The following FBXO16 variants were observed in gnomAD, a reference collection of about 807,000 sequenced individuals.
The protein encoded by FBXO16 is F-box only protein 16.
A neutral mutation model predicts 41.0 loss-of-function variants in FBXO16; 31 were observed. That is an observed-to-expected ratio of 0.76 (90% CI 0.57 to 1.02). The LOEUF (loss-of-function observed/expected upper bound fraction) is 1.02. Among genes scored for constraint, FBXO16 ranks in the 50% least tolerant of loss-of-function variants. FBXO16 has a pLI of 0.00. For synonymous variants in FBXO16, 133 were observed against 117.8 expected (o/e 1.13, Z -0.84); for missense variants, 361 against 346.2 (o/e 1.04, Z -0.34).
chr8:28,431,035 T>A (rs1423786393), intron 7 of FBXO16, among the ~76,000 whole-genome samples: 1 of 152,204 alleles, frequency 6.6e-6, no homozygotes, highest in Non-Finnish European at 1.5e-5. Flanking sequence ...TAGCTCTCTA[T>A]GACACAAGAA....
At chr8:28,444,364 G>A (rs1802827661) in intron 7 of FBXO16, among the ~76,000 whole-genome samples, 2 of 149,542 alleles carry the variant, frequency 1.3e-5, no homozygotes, top group African/African-American at 2.5e-5. Flanking sequence ...GTGCAGTGGC[G>A]CGATCTCGGC....
chr8:28,455,338 G>A (rs1803022888), intron 5 of FBXO16, among the ~76,000 whole-genome samples: 2 of 151,874 alleles, frequency 1.3e-5, no homozygotes. Flanking sequence ...CTGAGCTCAA[G>A]TGATCCTCCC....
intron 1 of FBXO16, among the ~76,000 whole-genome samples, chr8:28,486,679 A>G (rs533596204): frequency 6.6e-6 from 1 of 151,916 alleles, no homozygotes; most frequent in South Asian, 2.1e-4. Flanking sequence ...AAACCAAAAA[A>G]TTAGCTGGGC....
chr8:28,485,698 A>C (rs1396055920), intron 1 of FBXO16, among the ~76,000 whole-genome samples: 2 of 152,220 alleles, frequency 1.3e-5, no homozygotes, highest in African/African-American at 4.8e-5. Flanking sequence ...GGTTCTTTTC[A>C]GCCTCAACAG....
chr8:28,434,932 G>T (rs1052389810), intron 7 of FBXO16, among the ~76,000 whole-genome samples: 2 of 152,244 alleles, frequency 1.3e-5, no homozygotes, highest in Non-Finnish European at 2.9e-5. Flanking sequence ...AGCCCCAGAG[G>T]GGGTGTCAGT....
intron 4 of FBXO16, among the ~76,000 whole-genome samples, chr8:28,458,544 CTTTTTT>C (rs34617439): frequency 1.1e-4 from 10 of 87,566 alleles, no homozygotes; most frequent in South Asian, 5.0e-4. Context: ...TCTTCTTCTT[CTTTTTT>C]TTTTTTTTTT....
rs547370121 is a variant in FBXO16 at position 28,464,314 on chromosome 8, AT to A, written c.136-497del. Among the ~76,000 whole-genome samples the A allele has an allele frequency of 1.3e-4, 20 of 152,352 alleles. No homozygotes were observed. In the East Asian group the frequency reaches 2.7e-3, roughly 21 times the overall value. On this transcript the variant is annotated intron_variant, in intron 3 of 8. Transcript: ENST00000380254. Reference sequence around the variant, plus strand: ...TCTCACTAGTATGTAAATGACTGATATGATTGGAGAGGATGTGTTGATAAAG... The same window carrying A: ...TCTCACTAGTATGTAAATGACTGATAGATTGGAGAGGATGTGTTGATAAAG...
rs1175464367 is a variant in FBXO16 at position 28,429,400 on chromosome 8, A to G, written c.847T>C (p.Ser283Pro). 1.9e-6 allele frequency: 3 copies of G among 1,614,048 alleles called. No homozygotes were observed. The South Asian group carries it at 3.3e-5, about 18-fold the overall frequency. Residue 283 changes from serine (S) to proline (P), a missense_variant, in exon 8 of 9, where the codon TCG becomes CCG. Ser to Pro is a moderately conservative substitution (Grantham distance 74, BLOSUM62 -1). Transcript: ENST00000380254. ...CACAGTGGGAAGGGATTTCTCCTCG[A>G]CATCTGGCCGCGAGCAGGAAAGGGA... is the stretch of plus-strand genomic sequence containing the variant. The part of the protein sequence containing the change: ...TRLRKAQSMM[S>P]RRNPFPLCP
At chr8:28,439,541 G>A (rs995982912) in intron 7 of FBXO16, among the ~76,000 whole-genome samples, 1 of 152,052 alleles carries the variant, frequency 6.6e-6, no homozygotes, top group Non-Finnish European at 1.5e-5. Flanking sequence ...AGTTTGGGAC[G>A]AGCCCAGGCA....
chr8:28,442,733 T>C (rs1302293343), intron 7 of FBXO16, among the ~76,000 whole-genome samples: 1 of 152,194 alleles, frequency 6.6e-6, no homozygotes, highest in Non-Finnish European at 1.5e-5. Flanking sequence ...TAAGTGGTTC[T>C]GACTAAGGCA....
At chr8:28,471,560 T>C (rs1367589477) in intron 3 of FBXO16, among the ~76,000 whole-genome samples, 1 of 152,046 alleles carries the variant, frequency 6.6e-6, no homozygotes. Flanking sequence ...AAAGATAAAT[T>C]ATAAATATCT....
intron 7 of FBXO16, among the ~76,000 whole-genome samples, chr8:28,434,732 T>C (rs1470373451): frequency 6.6e-6 from 1 of 152,240 alleles, no homozygotes; most frequent in African/African-American, 2.4e-5. Flanking sequence ...AGGGGTGCCC[T>C]GTCTACTGGG....
At chr8:28,461,085 T>TTA (rs1244643051) in intron 4 of FBXO16, among the ~76,000 whole-genome samples, 1 of 74,566 alleles carries the variant, frequency 1.3e-5, no homozygotes, top group Admixed American at 1.8e-4. Context: ...TACCTCTGCT[T>TTA]TTTTTTTTTT....
Position 28,483,420 on chromosome 8 carries a change from GT to G in FBXO16, c.26del (p.Asn9ThrfsTer11), listed in dbSNP as rs770129495. ...TTGTCTGCATTTTGGGACCATCTGT[GT>G]TTTTTGGAGGTGCAAATGCCATCAT... Reference protein sequence around the residue: MMAFAPPKNTDGPKMQTKM... With the variant: MMAFAPPKXTDGPKMQTKM... On this transcript the variant is annotated frameshift_variant, in exon 2 of 9. Transcript: ENST00000380254. LOFTEE classifies it high-confidence loss of function. 1.5e-5 allele frequency: 25 copies of G among 1,613,910 alleles called. No individual in the cohort carries two copies. Among genetic ancestry groups the G allele is most frequent in the Non-Finnish European group, 2.1e-5 (25 of 1,179,972 alleles).
chr8:28,433,456 C>CCCATAGGTACCT (rs1563356304), intron 7 of FBXO16, among the ~76,000 whole-genome samples: 1 of 152,180 alleles, frequency 6.6e-6, no homozygotes, highest in Non-Finnish European at 1.5e-5. Flanking sequence ...TACTTGTGGT[C>CCCATAGGTACCT]CCATAGGTAC....
chr8:28,482,736 A>G (rs1803535083), intron 2 of FBXO16, among the ~76,000 whole-genome samples: 1 of 138,162 alleles, frequency 7.2e-6, no homozygotes, highest in South Asian at 2.4e-4. Context: ...ACGCCCAGCT[A>G]ATTTTTTTTT....
At chr8:28,460,095 A>T (rs1803102818) in intron 4 of FBXO16, among the ~76,000 whole-genome samples, 1 of 151,284 alleles carries the variant, frequency 6.6e-6, no homozygotes, top group Non-Finnish European at 1.5e-5. Flanking sequence ...TCAAAGAAAC[A>T]AAGGAAGTCC....
chr8:28,439,708 T>C (rs1206539341), intron 7 of FBXO16, among the ~76,000 whole-genome samples: 1 of 151,168 alleles, frequency 6.6e-6, no homozygotes, highest in Non-Finnish European at 1.5e-5. Context: ...ATCACGCCAC[T>C]GCACTCCAGC....
intron 1 of FBXO16, among the ~76,000 whole-genome samples, chr8:28,489,330 C>T (rs976711039): frequency 4.0e-5 from 6 of 151,568 alleles, no homozygotes; most frequent in African/African-American, 1.2e-4. Flanking sequence ...GGACAGAGTG[C>T]GACTCCATCT....
Sources: allele counts gnomAD v4.1 joint callset (sites outside exome capture counted in the v4.1 genomes callset), GRCh38; gene constraint gnomAD v4.1.1; transcripts MANE v1.5; gene names NCBI Gene and HGNC (gene_info 2026-07-23, HGNC 2026-07-21).